The following ZDHHC14 variants were observed in gnomAD, a reference collection of about 807,000 sequenced individuals.
ZDHHC14 encodes palmitoyltransferase ZDHHC14.
ZDHHC14 carries 16 observed loss-of-function variants against 47.7 expected under a neutral mutation model. That is an observed-to-expected ratio of 0.34 (90% CI 0.23 to 0.51). The LOEUF (loss-of-function observed/expected upper bound fraction) is 0.51. ZDHHC14 is among the 20% of genes least tolerant of loss of function. ZDHHC14 has a pLI of 0.97. For synonymous variants in ZDHHC14, 293 were observed against 278.9 expected (o/e 1.05, Z -0.50); for missense variants, 515 against 662.5 (o/e 0.78, Z 2.44).
chr6:157,491,426 G>T (rs139768627), intron 1 of ZDHHC14, among the ~76,000 whole-genome samples: 2,597 of 152,306 alleles, frequency 0.017, 74 homozygotes, highest in African/African-American at 0.059. Context: ...TAGTGGGCAT[G>T]CCATAAATAT....
intron 3 of ZDHHC14, among the ~76,000 whole-genome samples, chr6:157,608,480 C>T (rs968209296): frequency 6.6e-6 from 1 of 152,154 alleles, no homozygotes. Context: ...AGCAGCGTCC[C>T]ATCTGGGCTG....
intron 1 of ZDHHC14, among the ~76,000 whole-genome samples, chr6:157,537,435 G>A (rs943932673): frequency 3.3e-5 from 5 of 152,214 alleles, no homozygotes; most frequent in African/African-American, 1.2e-4. Context: ...AACAGCTCTT[G>A]CTGATGTATA....
At chr6:157,469,791 G>C (rs1443594052) in intron 1 of ZDHHC14, among the ~76,000 whole-genome samples, 1 of 152,222 alleles carries the variant, frequency 6.6e-6, no homozygotes, top group Non-Finnish European at 1.5e-5. Context: ...GGCCAGAAGC[G>C]AAGTCCACCA....
At chr6:157,665,532 A>ATCTTATCCT in intron 8 of ZDHHC14, among the ~76,000 whole-genome samples, 1 of 152,310 alleles carries the variant, frequency 6.6e-6, no homozygotes, top group Non-Finnish European at 1.5e-5. Context: ...TTTTAGGACC[A>ATCTTATCCT]GTATCCGGAT....
intron 3 of ZDHHC14, among the ~76,000 whole-genome samples, chr6:157,626,801 C>CGGG (rs887527924): frequency 6.6e-5 from 10 of 150,460 alleles, no homozygotes; most frequent in Non-Finnish European, 1.5e-4. Flanking sequence ...TCCCCGGCCC[C>CGGG]GGGTATTCTC....
chr6:157,645,080 G>A (rs1777454445), intron 5 of ZDHHC14, among the ~76,000 whole-genome samples: 1 of 152,114 alleles, frequency 6.6e-6, no homozygotes, highest in South Asian at 2.1e-4. Context: ...GGGGTTGGCT[G>A]AAGGGCTGAG....
chr6:157,663,321 A>C (rs1459457291), intron 8 of ZDHHC14, among the ~76,000 whole-genome samples: 1 of 152,210 alleles, frequency 6.6e-6, no homozygotes, highest in Non-Finnish European at 1.5e-5. Context: ...TACTCAATCC[A>C]AGAGGGAACA....
chr6:157,529,202 G>A (rs2114780160), intron 1 of ZDHHC14: 1 of 154,890 alleles, frequency 6.5e-6, no homozygotes, highest in Admixed American at 6.5e-5. Context: ...CAGAAGTGGA[G>A]ATCTCTGGAG....
intron 7 of ZDHHC14, among the ~76,000 whole-genome samples, chr6:157,653,015 G>T (rs621154): frequency 2.7e-4 from 41 of 152,120 alleles, no homozygotes; most frequent in African/African-American, 9.4e-4. Flanking sequence ...AGGAAGAGAG[G>T]GGGGAAGAGT....
intron 1 of ZDHHC14, among the ~76,000 whole-genome samples, chr6:157,440,967 G>T (rs143173753): frequency 6.6e-6 from 1 of 152,264 alleles, no homozygotes; most frequent in East Asian, 1.9e-4. Context: ...TACCATATAT[G>T]AATTTTATCT....
intron 3 of ZDHHC14, among the ~76,000 whole-genome samples, chr6:157,626,892 G>C (rs577153962): frequency 5.9e-4 from 50 of 84,504 alleles, no homozygotes; most frequent in Middle Eastern, 8.1e-3. Context: ...TTTCCAGCTG[G>C]GGGGGGGGCG....
intron 3 of ZDHHC14, among the ~76,000 whole-genome samples, chr6:157,606,805 G>A (rs1356077353): frequency 1.3e-5 from 2 of 152,244 alleles, no homozygotes; most frequent in Non-Finnish European, 2.9e-5. Context: ...GAATTCAGGG[G>A]TCCACGAACT....
intron 3 of ZDHHC14, among the ~76,000 whole-genome samples, chr6:157,606,282 A>G (rs940154303): frequency 6.6e-6 from 1 of 152,102 alleles, no homozygotes; most frequent in Non-Finnish European, 1.5e-5. Context: ...CATGGCCAAC[A>G]TGGTAAAACC....
chr6:157,672,577 C>G (rs1417827604), intron 8 of ZDHHC14, 147 bp from the exon 9 acceptor site: 4 of 870,664 alleles, frequency 4.6e-6, no homozygotes, highest in Non-Finnish European at 3.5e-6. Context: ...TGTAGGCGCT[C>G]CCTGCCTGGC....
chr6:157,449,671 GCTTA>G (rs1255394360), intron 1 of ZDHHC14, among the ~76,000 whole-genome samples: 1 of 152,102 alleles, frequency 6.6e-6, no homozygotes, highest in Non-Finnish European at 1.5e-5. Context: ...ACTTACTTGA[GCTTA>G]CTTTTCATTG....
At chr6:157,412,033 G>A (rs1427606678) in intron 1 of ZDHHC14, among the ~76,000 whole-genome samples, 1 of 151,390 alleles carries the variant, frequency 6.6e-6, no homozygotes, top group Non-Finnish European at 1.5e-5. Flanking sequence ...CCACCTCCTG[G>A]GTTCAAGCAA....
At chr6:157,591,772 C>T (rs9456524) in intron 2 of ZDHHC14, among the ~76,000 whole-genome samples, 46,336 of 152,082 alleles carry the variant, frequency 0.3, 7,382 homozygotes, top group East Asian at 0.57. Flanking sequence ...ATTCCTACCA[C>T]TTTGGAAATC....
intron 3 of ZDHHC14, among the ~76,000 whole-genome samples, chr6:157,606,892 A>T (rs1178542001): frequency 6.6e-6 from 1 of 152,236 alleles, no homozygotes; most frequent in Non-Finnish European, 1.5e-5. Flanking sequence ...TGAATATGGG[A>T]AACACATCAC....
intron 1 of ZDHHC14, among the ~76,000 whole-genome samples, chr6:157,412,970 G>T (rs1220154576): frequency 6.6e-6 from 1 of 152,184 alleles, no homozygotes; most frequent in Non-Finnish European, 1.5e-5. Context: ...GAGCCCGTGG[G>T]GTTAGCTGTT....
Sources: gnomAD v4.1 joint callset for allele counts (sites outside exome capture counted in the v4.1 genomes callset) on GRCh38, gnomAD v4.1.1 for gene constraint, MANE v1.5 for transcripts, NCBI Gene and HGNC (gene_info 2026-07-23, HGNC 2026-07-21) for gene names.